The following CABIN1 variants were observed in gnomAD, a reference collection of about 807,000 sequenced individuals.
CABIN1 encodes the protein calcineurin-binding protein cabin-1.
A neutral mutation model predicts 227.7 loss-of-function variants in CABIN1; 133 were observed. The observed-to-expected ratio is 0.58, with a 90% CI of 0.51 to 0.67. The LOEUF is 0.67. Ranked by LOEUF, CABIN1 falls within the 30% of genes least tolerant of loss-of-function variation. The pLI is 0.00. For missense variants in CABIN1, 2,408 were observed against 2,852.5 expected, an observed-to-expected ratio of 0.84 and a Z score of 3.55; for synonymous variants, 1,086 against 1,155.1, an observed-to-expected ratio of 0.94 and a Z score of 1.21.
chr22:24,138,163 T>C (rs1485555443), intron 29 of CABIN1, among the ~76,000 whole-genome samples: 2 of 152,222 alleles, frequency 1.3e-5, no homozygotes, highest in Non-Finnish European at 2.9e-5. Flanking sequence ...TTTTGAAAAT[T>C]GTGAGAGTTG....
rs1311464658 is a variant in CABIN1, at chr22:24,177,516, G to A, written c.6218G>A (p.Arg2073Lys). The change falls in exon 36 of 37, where the codon AGG (arginine) becomes AAG (lysine). Residue 2073 changes from arginine to lysine, a missense_variant. Physicochemically the swap from Arg to Lys is conservative, Grantham distance 26. Transcript: ENST00000263119. The surrounding 1 kb of genome is among the most constrained non-coding windows in gnomAD (Gnocchi z 4.4). ...EPTCSQEGKL[R>K]PEPRRDGEAQ... ...CTTTGTCTTCCAGAGGGGAAACTGA[G>A]GCCTGAGCCGAGAAGGGATGGGGAG... 2 of 1,535,270 alleles carry A rather than the reference G, an allele frequency of 1.3e-6. No individual in the cohort carries two copies. The highest frequency in any genetic ancestry group is 2.3e-5 in the East Asian group (1 of 43,936).
chr22:24,055,421 T>TC (rs899826620), intron 9 of CABIN1, among the ~76,000 whole-genome samples: 1 of 152,196 alleles, frequency 6.6e-6, no homozygotes, highest in African/African-American at 2.4e-5. Flanking sequence ...CCTTGACAGT[T>TC]CCCCCAGGAC....
chr22:24,148,367 C>A (rs898825349), intron 29 of CABIN1, among the ~76,000 whole-genome samples: 3 of 152,234 alleles, frequency 2.0e-5, no homozygotes, highest in Non-Finnish European at 4.4e-5. Context: ...ACTTTTGAGC[C>A]CCAGAGTTAA....
At chr22:24,164,355 T>A in intron 29 of CABIN1, 45 bp from the exon 30 acceptor site, 1 of 1,598,686 alleles carries the variant, frequency 6.3e-7, no homozygotes, top group African/African-American at 1.3e-5. Context: ...CCGAGGCTCC[T>A]GCCACAACCA....
At chr22:24,033,891 A>G (rs1331976166) in intron 1 of CABIN1, among the ~76,000 whole-genome samples, 2 of 151,900 alleles carry the variant, frequency 1.3e-5, no homozygotes, top group Non-Finnish European at 2.9e-5. Flanking sequence ...GAAACCCTAA[A>G]CCCCTTGGTA....
At chr22:24,139,658 A>G (rs1322510186) in intron 29 of CABIN1, among the ~76,000 whole-genome samples, 6 of 151,994 alleles carry the variant, frequency 3.9e-5, no homozygotes, top group African/African-American at 1.2e-4. Context: ...TGAGAAGGTC[A>G]GGTCATTTTG....
intron 17 of CABIN1, among the ~76,000 whole-genome samples, chr22:24,072,038 C>T (rs1249255228): frequency 5.9e-5 from 9 of 152,158 alleles, no homozygotes; most frequent in Non-Finnish European, 1.2e-4. Context: ...ACTTGTGTAG[C>T]TTGTCCATGG....
chr22:24,110,958 T>G lies in CABIN1; in HGVS notation c.4118-2608T>G, dbSNP rs541514747. 3.9e-5 allele frequency among the ~76,000 whole-genome samples: 6 copies of G among 152,290 alleles called. No individual in the cohort carries two copies. In the East Asian group the frequency reaches 1.2e-3, roughly 29 times the overall value. ...GTGATTTGATGTCTTTTATTATTTT[T>G]GGGAAATTCTTAGTTATTATGTCTT... is the stretch of plus-strand genomic sequence containing the variant. On this transcript the variant is annotated intron_variant, in intron 26 of 36. Coordinates refer to ENST00000263119, the MANE Select transcript of CABIN1 (RefSeq NM_012295.4).
chr22:24,166,647 A>G lies in CABIN1; in HGVS notation c.5016A>G (p.Glu1672=). The change falls in exon 32 of 37, where the codon GAA becomes GAG. Residue 1672 remains glutamate (E), a synonymous_variant. Transcript: ENST00000263119. ...CTTTGGTTTCTTTGTAGGGGTCAGA[A>G]CGCCCAGGGCCCAAGGTCTGTGGCC... ...DTLSELAEGS[E]RPGPKVCGLP... 6.2e-7 allele frequency: 1 copy of G among 1,612,800 alleles called. No individual in the cohort carries two copies. Among genetic ancestry groups the G allele is most frequent in the Non-Finnish European group, 8.5e-7 (1 of 1,179,950 alleles).
rs1224289340 is a variant in CABIN1 at position 24,052,885 on chromosome 22, A to G, written c.806+1911A>G. On this transcript the variant is annotated intron_variant, in intron 8 of 36. Transcript: ENST00000263119. ...TGCCTAGTAGGCATGAGCAAGAGCA[A>G]GGCACGAGTAAGGGAAATGGTGTAT... Among the ~76,000 whole-genome samples the G allele has an allele frequency of 2.0e-5, 3 of 152,002 alleles. No homozygotes were observed. In the East Asian group the frequency reaches 5.8e-4, roughly 29 times the overall value.
chr22:24,072,391 A>G lies in CABIN1; in HGVS notation c.2513A>G (p.Lys838Arg), dbSNP rs750505442. ...DCSMAVQEEA[K>R]EPHVSSVLPW... The stretch of plus-strand genomic sequence containing the variant: ...AGCATGGCTGTGCAGGAGGAGGCCA[A>G]GGAGCCCCACGTCTCTTCAGTGCTA... The change falls in exon 18 of 37, where the codon AAG becomes AGG. Residue 838 changes from lysine to arginine, a missense_variant. Physicochemically the swap from Lys to Arg is conservative, Grantham distance 26. Around this residue, in one of 3 missense-constraint regions of CABIN1, gnomAD observed 1,045 missense variants for 1,168.4 expected, o/e 0.89. Coordinates refer to ENST00000263119, the MANE Select transcript of CABIN1 (RefSeq NM_012295.4). The G allele has an allele frequency of 4.3e-6, 7 of 1,614,202 alleles. No individual in the cohort carries two copies. The highest frequency in any genetic ancestry group is 5.9e-6 in the Non-Finnish European group (7 of 1,180,028).
intron 8 of CABIN1, among the ~76,000 whole-genome samples, chr22:24,052,697 G>A (rs2038435159): frequency 6.6e-6 from 1 of 151,660 alleles, no homozygotes; most frequent in Non-Finnish European, 1.5e-5. Flanking sequence ...AGGCTGAGGG[G>A]GAGGATTGCT....
intron 27 of CABIN1, among the ~76,000 whole-genome samples, chr22:24,116,682 G>A (rs1477997686): frequency 6.6e-6 from 1 of 152,204 alleles, no homozygotes; most frequent in Non-Finnish European, 1.5e-5. Context: ...AGCTGTTGGT[G>A]TCTTGCCAAG....
intron 29 of CABIN1, among the ~76,000 whole-genome samples, chr22:24,152,616 C>T (rs1421426016): frequency 3.9e-5 from 6 of 152,268 alleles, no homozygotes; most frequent in East Asian, 1.9e-4. Context: ...AGGCTGAGAA[C>T]GGGGACTGTT....
rs149511898 is a variant in CABIN1, at chr22:24,067,141, C to A, written c.2192C>A (p.Thr731Asn). ...CGGGCCAAACACCTGGAGTTTATGACTTCCATTCCTGAGAGGCCAGCCCAG... is the reference window on the plus strand; with the variant it reads ...CGGGCCAAACACCTGGAGTTTATGAATTCCATTCCTGAGAGGCCAGCCCAG... ...FDRAKHLEFM[T>N]SIPERPAQLL... Residue 731 changes from threonine to asparagine, a missense_variant, in exon 16 of 37, where the codon ACT (threonine) becomes AAT (asparagine). By Grantham distance (65) the Thr-to-Asn change is moderately conservative. Around this residue, in one of 3 missense-constraint regions of CABIN1, gnomAD observed 1,045 missense variants for 1,168.4 expected, o/e 0.89. Transcript: ENST00000263119. 2 of 1,614,152 alleles carry A rather than the reference C, an allele frequency of 1.2e-6. No homozygotes were observed. The highest frequency in any genetic ancestry group is 2.7e-5 in the African/African-American group (2 of 74,942).
At chr22:24,128,498 G>A (rs2043872717) in intron 28 of CABIN1, among the ~76,000 whole-genome samples, 1 of 151,984 alleles carries the variant, frequency 6.6e-6, no homozygotes, top group Admixed American at 6.6e-5. Context: ...GCAGCTTATG[G>A]GTGTCCCCAG....
chr22:24,106,064 A>G (rs1304607458), intron 26 of CABIN1, among the ~76,000 whole-genome samples: 1 of 152,132 alleles, frequency 6.6e-6, no homozygotes, highest in Non-Finnish European at 1.5e-5. Context: ...ACACATACTC[A>G]AAGACTCCCC....
At chr22:24,166,543 TGG>T in intron 31 of CABIN1, 94 bp from the exon 32 acceptor site, 2 of 1,470,594 alleles carry the variant, frequency 1.4e-6, no homozygotes, top group Non-Finnish European at 1.9e-6. Flanking sequence ...AGATGTCAGG[TGG>T]GAGAGGCCCA....
At chr22:24,046,642 A>G (rs947544617) in intron 6 of CABIN1, among the ~76,000 whole-genome samples, 2 of 152,194 alleles carry the variant, frequency 1.3e-5, no homozygotes, top group Admixed American at 6.5e-5. Context: ...CTCCAGAGAA[A>G]CAGAACCAAT....
Sources: gnomAD v4.1 joint callset for allele counts (sites outside exome capture counted in the v4.1 genomes callset) on GRCh38, gnomAD v4.1.1 for gene constraint, gnomAD v4.1.1 regional missense constraint, Gnocchi (gnomAD v3.1) non-coding constraint, MANE v1.5 for transcripts, NCBI Gene and HGNC (gene_info 2026-07-23, HGNC 2026-07-21) for gene names.